The following FAM184A variants were observed in gnomAD, a reference collection of about 807,000 sequenced individuals.
FAM184A encodes the protein family with sequence similarity 184 member A.
Under a neutral mutation model 143.8 loss-of-function variants are expected in FAM184A, and 99 were observed. The observed-to-expected ratio is 0.69, with a 90% CI of 0.58 to 0.81. The LOEUF (loss-of-function observed/expected upper bound fraction) is 0.81, where lower values mean the gene tolerates loss of function less well. Among genes scored for constraint, FAM184A ranks in the 40% least tolerant of loss-of-function variants. FAM184A has a pLI of 0.00. For synonymous variants in FAM184A, 427 were observed against 446.4 expected, an observed-to-expected ratio of 0.96 and a Z score of 0.55; for missense variants, 1,217 against 1,310.5, an observed-to-expected ratio of 0.93 and a Z score of 1.10.
chr6:119,015,180 C>T (rs566818408), intron 5 of FAM184A, among the ~76,000 whole-genome samples: 1 of 152,176 alleles, frequency 6.6e-6, no homozygotes, highest in Admixed American at 6.5e-5. Flanking sequence ...TCAGAGCCCT[C>T]GCTTGCTCTC....
chr6:118,970,008 A>ATTTTTTTTTTTTTT (rs11272298), intron 14 of FAM184A, among the ~76,000 whole-genome samples: 1 of 19,052 alleles, frequency 5.2e-5, no homozygotes, highest in Non-Finnish European at 1.1e-4. Flanking sequence ...ATATATATAT[A>ATTTTTTTTTTTTTT]TTTTTTTTTT....
At chr6:118,980,626 T>A (rs771715021) in intron 9 of FAM184A, among the ~76,000 whole-genome samples, 4 of 152,198 alleles carry the variant, frequency 2.6e-5, no homozygotes, top group Admixed American at 6.5e-5. Flanking sequence ...ACAATGAATA[T>A]CTGTCTTAAG....
At chr6:119,112,205 C>T (rs564041154) in intron 1 of FAM184A, among the ~76,000 whole-genome samples, 5 of 151,840 alleles carry the variant, frequency 3.3e-5, no homozygotes, top group Admixed American at 2.0e-4. Context: ...AATCTCGGCT[C>T]ATCACAACCT....
At chr6:118,997,505 C>T (rs1784609363) in intron 9 of FAM184A, among the ~76,000 whole-genome samples, 1 of 152,088 alleles carries the variant, frequency 6.6e-6, no homozygotes, top group Admixed American at 6.5e-5. Context: ...GCCTGGCCAA[C>T]ATGGTGAAAC....
intron 1 of FAM184A, among the ~76,000 whole-genome samples, chr6:119,034,376 A>T (rs1786027256): frequency 6.6e-6 from 1 of 151,922 alleles, no homozygotes; most frequent in South Asian, 2.1e-4. Context: ...TCATAAGATC[A>T]AAGACAGTAG....
rs144359594 is a variant in FAM184A, at chr6:119,037,702, T to G, written c.160-12889A>C. 1.3e-3 allele frequency among the ~76,000 whole-genome samples: 205 copies of G among 152,320 alleles called. 1 individual carries two copies. The highest frequency in any genetic ancestry group is 4.8e-3 in the African/African-American group (198 of 41,578). ...TAATTTAGAATACGTAAAAATAATA[T>G]TTGCTAAGCATTGGCAAAGCCATTT... On this transcript the variant is annotated intron_variant, in intron 1 of 17. Coordinates refer to ENST00000338891, the MANE Select transcript of FAM184A (RefSeq NM_024581.6).
intron 1 of FAM184A, among the ~76,000 whole-genome samples, chr6:119,143,744 G>A (rs949574767): frequency 6.6e-6 from 1 of 152,208 alleles, no homozygotes; most frequent in Admixed American, 6.5e-5. Flanking sequence ...ACTTGGATGA[G>A]AGGCATCTAG....
chr6:119,135,733 G>A (rs1041172583), intron 1 of FAM184A, among the ~76,000 whole-genome samples: 1 of 152,126 alleles, frequency 6.6e-6, no homozygotes, highest in Non-Finnish European at 1.5e-5. Flanking sequence ...TCAGAGAAGA[G>A]CTAAACTAGA....
intron 1 of FAM184A, among the ~76,000 whole-genome samples, chr6:119,099,930 G>A (rs1788598782): frequency 6.6e-6 from 1 of 152,184 alleles, no homozygotes; most frequent in South Asian, 2.1e-4. Flanking sequence ...GGGATCTCCA[G>A]TTTATAGCTA....
chr6:118,996,065 G>A (rs1055748580), intron 9 of FAM184A, among the ~76,000 whole-genome samples: 40 of 152,126 alleles, frequency 2.6e-4, no homozygotes, highest in Non-Finnish European at 4.1e-4. Flanking sequence ...TCTCCTAAAG[G>A]TGACAATTTA....
chr6:119,032,976 C>A (rs571056605), intron 1 of FAM184A, among the ~76,000 whole-genome samples: 1 of 152,140 alleles, frequency 6.6e-6, no homozygotes, highest in Non-Finnish European at 1.5e-5. Context: ...GCTATTCTAT[C>A]GGTTCCAGAG....
chr6:119,137,324 G>T (rs202166754), intron 1 of FAM184A, among the ~76,000 whole-genome samples: 1 of 64,802 alleles, frequency 1.5e-5, no homozygotes, highest in African/African-American at 3.4e-5. Context: ...GAGAGACAGA[G>T]AGAGAGAAGA....
intron 1 of FAM184A, among the ~76,000 whole-genome samples, chr6:119,108,069 T>C (rs563838200): frequency 2.7e-4 from 41 of 152,102 alleles, no homozygotes; most frequent in Non-Finnish European, 5.1e-4. Flanking sequence ...GGTTAGAATC[T>C]GTGTTTTAAT....
intron 1 of FAM184A, chr6:119,031,691 A>G (rs1237514388): frequency 2.0e-5 from 3 of 152,248 alleles, no homozygotes; most frequent in Non-Finnish European, 2.9e-5. Context: ...TACATTCACT[A>G]AAGTGATATA....
intron 1 of FAM184A, among the ~76,000 whole-genome samples, chr6:119,107,425 G>A (rs1194580246): frequency 2.0e-5 from 3 of 152,170 alleles, no homozygotes; most frequent in African/African-American, 7.2e-5. Flanking sequence ...GGTAAGAGGA[G>A]CTTTTATTAG....
chr6:119,050,536 G>C (rs1318752449), intron 1 of FAM184A, among the ~76,000 whole-genome samples: 1 of 152,148 alleles, frequency 6.6e-6, no homozygotes, highest in Non-Finnish European at 1.5e-5. Context: ...GCCGGGCGCG[G>C]TGGCTCACGC....
chr6:118,979,491 G>C lies in FAM184A; in HGVS notation c.2329C>G (p.His777Asp), dbSNP rs750954379. ...TTTAGTGATTGAAGCTCTGCAGAAT[G>C]CTTCTGTTGTAAATGATTTTCAAGA... is the stretch of plus-strand genomic sequence containing the variant. Reference protein sequence around the residue: ...RALENHLQQKHSAELQSLKDA... With the variant: ...RALENHLQQKDSAELQSLKDA... The change falls in exon 11 of 18, where the codon CAT becomes GAT. Residue 777 changes from histidine to aspartate, a missense_variant. His to Asp is a moderately conservative substitution (Grantham distance 81). Transcript: ENST00000338891. 6.2e-7 allele frequency: 1 copy of C among 1,611,550 alleles called. No individual in the cohort carries two copies. Among genetic ancestry groups the C allele is most frequent in the South Asian group, 1.1e-5 (1 of 90,200 alleles).
intron 1 of FAM184A, among the ~76,000 whole-genome samples, chr6:119,099,081 G>A (rs1788578828): frequency 6.6e-6 from 1 of 152,158 alleles, no homozygotes. Flanking sequence ...TTGCACTCCA[G>A]CCTAGGCAAC....
chr6:119,017,028 G>T (rs1246817365), intron 4 of FAM184A, 84 bp from the exon 5 acceptor site: 2 of 872,804 alleles, frequency 2.3e-6, no homozygotes, highest in African/African-American at 1.7e-5. Context: ...TATAAATATG[G>T]AAGCTTGAAT....
Sources: allele counts gnomAD v4.1 joint callset (sites outside exome capture counted in the v4.1 genomes callset), GRCh38; gene constraint gnomAD v4.1.1; transcripts MANE v1.5; gene names NCBI Gene and HGNC (gene_info 2026-07-23, HGNC 2026-07-21).